Variants in ZNF679 observed in about 807,000 individuals in gnomAD.
ZNF679 encodes the protein hypothetical protein MGC42415.
ZNF679 carries 10 observed loss-of-function variants against 13.4 expected under a neutral mutation model. That is an observed-to-expected ratio of 0.75 (90% CI 0.46 to 1.27). The LOEUF (loss-of-function observed/expected upper bound fraction) is 1.27. Ranked by LOEUF, ZNF679 falls within the 50% of genes most tolerant of loss-of-function variation. ZNF679 has a pLI of 0.00. For synonymous variants in ZNF679, 179 were observed against 162.5 expected, an observed-to-expected ratio of 1.10 and a Z score of -0.77; for missense variants, 525 against 477.8, an observed-to-expected ratio of 1.10 and a Z score of -0.92.
intron 1 of ZNF679, among the ~76,000 whole-genome samples, chr7:64,240,691 G>C (rs1207000209): frequency 1.3e-5 from 2 of 152,186 alleles, no homozygotes; most frequent in Non-Finnish European, 2.9e-5. Context: ...CCACAGGTGA[G>C]ACAGTGACTC....
At chr7:64,229,672 T>A (rs1285970551) in intron 1 of ZNF679, among the ~76,000 whole-genome samples, 5 of 152,188 alleles carry the variant, frequency 3.3e-5, no homozygotes, top group African/African-American at 7.2e-5. Flanking sequence ...TGACCTTTTA[T>A]AAGGAAATGC....
chr7:64,263,805 T>G (rs1788108594), intron 4 of ZNF679, among the ~76,000 whole-genome samples: 1 of 152,212 alleles, frequency 6.6e-6, no homozygotes, highest in Non-Finnish European at 1.5e-5. Flanking sequence ...TCTACTCAAC[T>G]GTGAACCAAA....
intron 1 of ZNF679, among the ~76,000 whole-genome samples, chr7:64,246,913 T>TA (rs1211889000): frequency 6.6e-6 from 1 of 152,146 alleles, no homozygotes; most frequent in African/African-American, 2.4e-5. Flanking sequence ...TAAAAATACT[T>TA]ACAGTTATTT....
At chr7:64,255,614 T>C (rs1158807860) in intron 2 of ZNF679, among the ~76,000 whole-genome samples, 1 of 105,764 alleles carries the variant, frequency 9.5e-6, no homozygotes, top group Non-Finnish European at 2.1e-5. Context: ...ATGATTTTTT[T>C]TATTTTTTTT....
chr7:64,242,127 G>T (rs960552316), intron 1 of ZNF679, among the ~76,000 whole-genome samples: 1 of 152,170 alleles, frequency 6.6e-6, no homozygotes, highest in Non-Finnish European at 1.5e-5. Context: ...GCTGAATCTT[G>T]GTGTGAGAGT....
At chr7:64,239,424 C>G (rs922423325) in intron 1 of ZNF679, among the ~76,000 whole-genome samples, 1 of 152,044 alleles carries the variant, frequency 6.6e-6, no homozygotes, top group African/African-American at 2.4e-5. Flanking sequence ...ATTGGGAGTC[C>G]CATTCCTGGG....
intron 1 of ZNF679, among the ~76,000 whole-genome samples, chr7:64,236,271 G>A (rs1024039496): frequency 2.6e-5 from 4 of 151,734 alleles, no homozygotes; most frequent in Non-Finnish European, 1.5e-5. Context: ...TCAAAAAAAA[G>A]GAGTAAATTC....
intron 1 of ZNF679, among the ~76,000 whole-genome samples, chr7:64,233,979 G>T (rs770593919): frequency 2.6e-5 from 4 of 152,180 alleles, no homozygotes; most frequent in Non-Finnish European, 5.9e-5. Flanking sequence ...GCTCTGAGAA[G>T]TGAGATGCTC....
intron 2 of ZNF679, among the ~76,000 whole-genome samples, chr7:64,251,691 T>C (rs1787946385): frequency 6.6e-6 from 1 of 152,156 alleles, no homozygotes; most frequent in South Asian, 2.1e-4. Flanking sequence ...ACCGTGACCA[T>C]GTCTGCCACA....
rs556531291 is a variant in ZNF679 at position 64,236,354 on chromosome 7, A to G, written c.-91+7702A>G. ...TTACGCTTACAATAAGCAGGCCCAA[A>G]AAATTTATCCTGAATTCATCGTCAT... is the stretch of plus-strand genomic sequence containing the variant. On this transcript the variant is annotated intron_variant, in intron 1 of 4. Coordinates refer to ENST00000421025, the MANE Select transcript of ZNF679 (RefSeq NM_153363.3). 1.2e-4 allele frequency among the ~76,000 whole-genome samples: 18 copies of G among 152,254 alleles called. 1 individual carries two copies. In the South Asian group the frequency reaches 3.3e-3, roughly 28 times the overall value.
intron 1 of ZNF679, among the ~76,000 whole-genome samples, chr7:64,232,588 C>T (rs1440203332): frequency 1.3e-5 from 2 of 152,140 alleles, no homozygotes; most frequent in African/African-American, 2.4e-5. Flanking sequence ...AGAATGCAGG[C>T]AGGCATGTGG....
rs753164638 is a variant in ZNF679, at chr7:64,260,874, G to A, written c.207G>A (p.Glu69=). The A allele has an allele frequency of 1.1e-5, 17 of 1,611,468 alleles. No homozygotes were observed. Among genetic ancestry groups the A allele is most frequent in the Middle Eastern group, 1.6e-4 (1 of 6,064 alleles). ...AGCCAGACTTGATCACCTGTCTGGA[G>A]CAAAATAAAGAGCCTTGGAATATAA... ...VSKPDLITCL[E]QNKEPWNIKR... is the part of the protein sequence containing the mutation. Residue 69 remains glutamate (E), a synonymous_variant, in exon 4 of 5, where the codon GAG becomes GAA. Transcript: ENST00000421025.
At chr7:64,240,613 C>T (rs567197450) in intron 1 of ZNF679, among the ~76,000 whole-genome samples, 2 of 152,134 alleles carry the variant, frequency 1.3e-5, no homozygotes, top group African/African-American at 2.4e-5. Flanking sequence ...TGGTCACTGG[C>T]GAGGTCCTAA....
chr7:64,237,504 A>G (rs1787743711), intron 1 of ZNF679, among the ~76,000 whole-genome samples: 1 of 152,212 alleles, frequency 6.6e-6, no homozygotes, highest in African/African-American at 2.4e-5. Flanking sequence ...GCTGAAGAAT[A>G]GAGTCTCCAT....
chr7:64,233,253 C>CAA (rs71060564), intron 1 of ZNF679, among the ~76,000 whole-genome samples: 2,143 of 126,204 alleles, frequency 0.017, 18 homozygotes, highest in Non-Finnish European at 0.025. Flanking sequence ...AACAAATAAA[C>CAA]AAAAAAAAAA....
chr7:64,240,716 C>T (rs1289478384), intron 1 of ZNF679, among the ~76,000 whole-genome samples: 2 of 152,180 alleles, frequency 1.3e-5, no homozygotes, highest in African/African-American at 2.4e-5. Flanking sequence ...TTGAACCCAG[C>T]TCACAGGAAC....
rs559743213 is a variant in ZNF679, at chr7:64,249,131, C to G, written c.14C>G (p.Pro5Arg). 2 of 1,614,068 alleles carry G rather than the reference C, an allele frequency of 1.2e-6. No homozygotes were observed. Among genetic ancestry groups the G allele is most frequent in the East Asian group, 2.2e-5 (1 of 44,878 alleles). The change falls in exon 2 of 5, where the codon CCG (proline) becomes CGG (arginine). Residue 5 changes from proline (P) to arginine (R), a missense_variant. Physicochemically the swap from Pro to Arg is moderately radical, Grantham distance 103. Transcript: ENST00000421025. The stretch of plus-strand genomic sequence containing the variant: ...ATCCGCAGATTTATGGCTAAAAGAC[C>G]GGGATCCCCTGGAAGCCGAGAAATG... Reference protein sequence around the residue: MAKRPGSPGSREMGL... With the variant: MAKRRGSPGSREMGL...
intron 1 of ZNF679, among the ~76,000 whole-genome samples, chr7:64,247,838 T>A (rs1562843616): frequency 6.6e-6 from 1 of 151,022 alleles, no homozygotes; most frequent in Admixed American, 6.6e-5. Flanking sequence ...ACCGTGAGCC[T>A]CTGCGCCTGG....
intron 2 of ZNF679, among the ~76,000 whole-genome samples, chr7:64,250,328 G>A (rs761190336): frequency 1.0e-4 from 13 of 126,234 alleles, no homozygotes; most frequent in Admixed American, 2.9e-4. Context: ...GCAGTGCAGT[G>A]ATGTGATCTC....
Sources: gnomAD v4.1 joint callset for allele counts (sites outside exome capture counted in the v4.1 genomes callset) on GRCh38, gnomAD v4.1.1 for gene constraint, MANE v1.5 for transcripts, NCBI Gene and HGNC (gene_info 2026-07-23, HGNC 2026-07-21) for gene names.